LOC128462377: variants seen among roughly 807,000 people sequenced by gnomAD.
At chr16:89,347,102 G>C in the LOC128462377 span, among the ~76,000 whole-genome samples, 22 of 152,248 alleles carry the variant, frequency 1.4e-4, no homozygotes, top group African/African-American at 5.1e-4. Flanking sequence ...TGGGCTCCTA[G>C]GCCCGTGGAG....
the LOC128462377 span, among the ~76,000 whole-genome samples, chr16:89,338,101 T>G: frequency 6.6e-6 from 1 of 152,186 alleles, no homozygotes; most frequent in African/African-American, 2.4e-5. Context: ...GCCCCCACTA[T>G]GGCCATCCCA....
chr16:89,401,163 G>T, the LOC128462377 span, among the ~76,000 whole-genome samples: 1 of 133,276 alleles, frequency 7.5e-6, no homozygotes, highest in African/African-American at 2.9e-5. Flanking sequence ...GTGTGATCTC[G>T]ACTCATTGCA....
chr16:89,331,220 C>G, the LOC128462377 span, among the ~76,000 whole-genome samples: 1 of 152,208 alleles, frequency 6.6e-6, no homozygotes. Flanking sequence ...TCCCAAAGTG[C>G]TAGGATTACA....
the LOC128462377 span, among the ~76,000 whole-genome samples, chr16:89,352,090 C>T: frequency 1.3e-5 from 2 of 151,672 alleles, no homozygotes; most frequent in African/African-American, 4.9e-5. Flanking sequence ...GGGGTTTCAA[C>T]ATGTTGGTCA....
At chr16:89,334,231 T>C in the LOC128462377 span, among the ~76,000 whole-genome samples, 1 of 143,938 alleles carries the variant, frequency 6.9e-6, no homozygotes, top group African/African-American at 2.6e-5. Flanking sequence ...CTCAGGACAA[T>C]GTCTGATGCC....
chr16:89,391,951 G>C, the LOC128462377 span, among the ~76,000 whole-genome samples: 1 of 152,206 alleles, frequency 6.6e-6, no homozygotes, highest in Non-Finnish European at 1.5e-5. Flanking sequence ...GCAAGCATTA[G>C]GTCACGGCCT....
chr16:89,376,433 C>A, the LOC128462377 span, among the ~76,000 whole-genome samples: 2 of 152,130 alleles, frequency 1.3e-5, no homozygotes, highest in Admixed American at 6.6e-5. Context: ...TGTGCCTGAA[C>A]AGGGTTTTGT....
the LOC128462377 span, among the ~76,000 whole-genome samples, chr16:89,417,907 C>T: frequency 6.6e-6 from 1 of 152,148 alleles, no homozygotes; most frequent in Non-Finnish European, 1.5e-5. Flanking sequence ...AAACTGTTAA[C>T]ACAACATGCT....
the LOC128462377 span, among the ~76,000 whole-genome samples, chr16:89,392,031 G>A: frequency 6.6e-6 from 1 of 151,970 alleles, no homozygotes; most frequent in African/African-American, 2.4e-5. Flanking sequence ...TCCTTCCTTT[G>A]TTCTCCTCTG....
chr16:89,401,936 A>G, the LOC128462377 span, among the ~76,000 whole-genome samples: 3 of 145,092 alleles, frequency 2.1e-5, no homozygotes, highest in African/African-American at 7.5e-5. Flanking sequence ...CCTGGAGCAG[A>G]TGCCCGCCCC....
chr16:89,375,040 A>C, the LOC128462377 span, among the ~76,000 whole-genome samples: 1 of 152,192 alleles, frequency 6.6e-6, no homozygotes, highest in African/African-American at 2.4e-5. Context: ...GCTTATAAAT[A>C]CTTACAGACT....
At chr16:89,392,084 G>A in the LOC128462377 span, among the ~76,000 whole-genome samples, 1 of 152,108 alleles carries the variant, frequency 6.6e-6, no homozygotes, top group African/African-American at 2.4e-5. Context: ...AGCCAATCGG[G>A]ACAAATACAG....
At chr16:89,374,768 C>T in the LOC128462377 span, among the ~76,000 whole-genome samples, 2 of 152,190 alleles carry the variant, frequency 1.3e-5, no homozygotes, top group Non-Finnish European at 2.9e-5. Context: ...CCATGATGAA[C>T]GTGGACACAC....
chr16:89,394,318 G>T, the LOC128462377 span, among the ~76,000 whole-genome samples: 1 of 152,174 alleles, frequency 6.6e-6, no homozygotes, highest in Non-Finnish European at 1.5e-5. Flanking sequence ...CACTCATCAG[G>T]AAACTTCTCA....
chr16:89,358,193 A>T, the LOC128462377 span, among the ~76,000 whole-genome samples: 1 of 152,210 alleles, frequency 6.6e-6, no homozygotes, highest in Non-Finnish European at 1.5e-5. Context: ...GTGCGGGCAG[A>T]CACAGGCCAC....
At chr16:89,412,731 C>G in the LOC128462377 span, among the ~76,000 whole-genome samples, 1 of 152,054 alleles carries the variant, frequency 6.6e-6, no homozygotes, top group Admixed American at 6.5e-5. Flanking sequence ...CTTAAGCCAG[C>G]TGTAAAAAAT....
the LOC128462377 span, among the ~76,000 whole-genome samples, chr16:89,404,073 A>C: frequency 6.6e-6 from 1 of 152,260 alleles, no homozygotes; most frequent in Non-Finnish European, 1.5e-5. Context: ...CTCTCAGAGC[A>C]AACGCTGCAT....
the LOC128462377 span, among the ~76,000 whole-genome samples, chr16:89,364,401 GA>G: frequency 1.3e-5 from 2 of 152,202 alleles, no homozygotes; most frequent in Non-Finnish European, 2.9e-5. Flanking sequence ...ATAGGTAACT[GA>G]AACACATCCT....
chr16:89,366,129 CAAAAAA>C, the LOC128462377 span, among the ~76,000 whole-genome samples: 15 of 60,458 alleles, frequency 2.5e-4, no homozygotes, highest in South Asian at 1.0e-3. Flanking sequence ...GACTCCATCT[CAAAAAA>C]AAAAAAAAAA....
Sources: allele counts gnomAD v4.1 joint callset (sites outside exome capture counted in the v4.1 genomes callset), GRCh38; gene constraint gnomAD v4.1.1; transcripts MANE v1.5.